Variants in LRRC4C observed in about 807,000 individuals in gnomAD.
LRRC4C encodes the protein leucine rich repeat containing 4C.
LRRC4C carries 5 observed loss-of-function variants against 33.6 expected under a neutral mutation model. The ratio of observed to expected loss-of-function variants is 0.15; its 90% CI spans 0.08 to 0.31. LRRC4C has a LOEUF of 0.31. LRRC4C is among the 10% of genes least tolerant of loss of function. The pLI is 1.00. For missense variants in LRRC4C, 560 were observed against 796.7 expected (o/e 0.70, Z 3.58); for synonymous variants, 329 against 302.0 (o/e 1.09, Z -0.93).
At chr11:40,862,519 G>A (rs1954153669) in intron 2 of LRRC4C, among the ~76,000 whole-genome samples, 1 of 152,166 alleles carries the variant, frequency 6.6e-6, no homozygotes. Context: ...TCTTACTAGT[G>A]TAAATACTAA....
At chr11:41,382,233 C>T (rs1044060909) in intron 1 of LRRC4C, among the ~76,000 whole-genome samples, 1 of 151,858 alleles carries the variant, frequency 6.6e-6, no homozygotes, top group African/African-American at 2.4e-5. Context: ...AGATTTATTA[C>T]CTTAAAGATA....
intron 3 of LRRC4C, among the ~76,000 whole-genome samples, chr11:40,587,881 T>G (rs1432712285): frequency 4.6e-5 from 7 of 152,216 alleles, no homozygotes; most frequent in Non-Finnish European, 8.8e-5. Flanking sequence ...GTTTTGCCAC[T>G]ATTTTATTGA....
At chr11:41,443,089 A>ATTTTTTTTTTTTTTTTTTTTTTCTTCCT in intron 1 of LRRC4C, among the ~76,000 whole-genome samples, 1 of 105,994 alleles carries the variant, frequency 9.4e-6, no homozygotes, top group African/African-American at 3.7e-5. Context: ...TGTTTGCTTC[A>ATTTTTTTTTTTTTTTTTTTTTTCTTCCT]TTTTTTTTTT....
chr11:40,559,842 C>T (rs191911667), intron 3 of LRRC4C, among the ~76,000 whole-genome samples: 100 of 152,122 alleles, frequency 6.6e-4, no homozygotes, highest in Non-Finnish European at 1.2e-3. Context: ...TTTTTTTTCA[C>T]ATGCTTGTTG....
Position 40,689,585 on chromosome 11 carries a change from G to A in LRRC4C, c.-406-41307C>T, listed in dbSNP as rs183202733. ...CTCTAAATTGATTTATCCATTTTCC[G>A]AAAGAGTTGAAGAGGATTCTTCTCA... is the stretch of plus-strand genomic sequence containing the variant. On this transcript the variant is annotated intron_variant, in intron 2 of 6. Coordinates refer to ENST00000528697, the MANE Select transcript of LRRC4C (RefSeq NM_001258419.2). Among the ~76,000 whole-genome samples, 53 of 152,052 alleles carry A rather than the reference G, an allele frequency of 3.5e-4. 1 individual carries two copies. Among genetic ancestry groups the A allele is most frequent in the Middle Eastern group, 3.4e-3 (1 of 294 alleles).
At chr11:40,319,852 T>A (rs1408530026) in intron 3 of LRRC4C, 131 bp from the exon 4 acceptor site, 1 of 152,180 alleles carries the variant, frequency 6.6e-6, no homozygotes, top group Non-Finnish European at 1.5e-5. Context: ...CAGAATGTCT[T>A]TCATACATGT....
intron 1 of LRRC4C, among the ~76,000 whole-genome samples, chr11:40,952,836 C>T (rs1466649653): frequency 4.7e-5 from 7 of 148,670 alleles, no homozygotes; most frequent in African/African-American, 1.7e-4. Flanking sequence ...ACACACACCT[C>T]TGTCTATTTC....
intron 3 of LRRC4C, among the ~76,000 whole-genome samples, chr11:40,568,649 A>C (rs17487816): frequency 6.6e-6 from 1 of 152,088 alleles, no homozygotes; most frequent in Non-Finnish European, 1.5e-5. Context: ...TCTGGACCAC[A>C]CTGAACACCC....
chr11:40,870,774 G>T (rs996796601), intron 2 of LRRC4C, among the ~76,000 whole-genome samples: 1 of 152,130 alleles, frequency 6.6e-6, no homozygotes, highest in African/African-American at 2.4e-5. Context: ...ATTGTTTGTA[G>T]AGCATGTGTG....
At chr11:41,333,903 T>C (rs1270124918) in intron 1 of LRRC4C, among the ~76,000 whole-genome samples, 1 of 152,176 alleles carries the variant, frequency 6.6e-6, no homozygotes, top group Non-Finnish European at 1.5e-5. Flanking sequence ...GTTTAAAAAG[T>C]TCATTATTAT....
chr11:40,836,738 G>C (rs553324298), intron 2 of LRRC4C, among the ~76,000 whole-genome samples: 2 of 152,120 alleles, frequency 1.3e-5, no homozygotes, highest in Non-Finnish European at 2.9e-5. Flanking sequence ...ATCTCTCTGA[G>C]CTTTACCTCC....
chr11:40,999,184 T>C (rs1333661978), intron 1 of LRRC4C, among the ~76,000 whole-genome samples: 1 of 152,096 alleles, frequency 6.6e-6, no homozygotes, highest in Non-Finnish European at 1.5e-5. Context: ...CTCTGGCCAC[T>C]GTTACAGACT....
At chr11:40,189,830 A>T (rs545347308) in intron 5 of LRRC4C, among the ~76,000 whole-genome samples, 1 of 152,360 alleles carries the variant, frequency 6.6e-6, no homozygotes, top group East Asian at 1.9e-4. Flanking sequence ...TTTAAGGATA[A>T]CATTGAGCAA....
At chr11:41,418,721 G>A (rs1477217407) in intron 1 of LRRC4C, among the ~76,000 whole-genome samples, 1 of 151,956 alleles carries the variant, frequency 6.6e-6, no homozygotes, top group African/African-American at 2.4e-5. Flanking sequence ...CATGCTTAGC[G>A]GGGGTCCAGC....
intron 2 of LRRC4C, among the ~76,000 whole-genome samples, chr11:40,811,479 T>C (rs972596181): frequency 6.6e-6 from 1 of 152,104 alleles, no homozygotes; most frequent in African/African-American, 2.4e-5. Context: ...ATAAATATAT[T>C]TGAATTAATA....
chr11:41,066,673 G>A (rs904495026), intron 1 of LRRC4C, among the ~76,000 whole-genome samples: 2 of 152,138 alleles, frequency 1.3e-5, no homozygotes, highest in Admixed American at 6.6e-5. Context: ...AGAAGGGCCA[G>A]GTCACCGACA....
chr11:41,167,194 A>G (rs1364953678), intron 1 of LRRC4C, among the ~76,000 whole-genome samples: 8 of 152,186 alleles, frequency 5.3e-5, no homozygotes, highest in African/African-American at 1.7e-4. Flanking sequence ...CCCAACACTT[A>G]CTAGATCTTT....
Position 41,181,044 on chromosome 11 carries a change from G to T in LRRC4C, c.-495-247321C>A, listed in dbSNP as rs528643064. On this transcript the variant is annotated intron_variant, in intron 1 of 6. Coordinates refer to ENST00000528697, the MANE Select transcript of LRRC4C (RefSeq NM_001258419.2). ...AAAAAAGAAAAGTTTTAAGAATGTTGGTAATTAATAAACTAGGAAATATTA... is the reference window on the plus strand; with the variant it reads ...AAAAAAGAAAAGTTTTAAGAATGTTTGTAATTAATAAACTAGGAAATATTA... Among the ~76,000 whole-genome samples, 51 of 152,100 alleles carry T rather than the reference G, an allele frequency of 3.4e-4. 1 individual carries two copies. In the Middle Eastern group the frequency reaches 0.01, roughly 30 times the overall value.
Position 41,432,606 on chromosome 11 carries a change from T to C in LRRC4C, c.-496+26825A>G, listed in dbSNP as rs556938350. Reference sequence around the variant, plus strand: ...CAAAGTGGAGAAAATAGTAGAAAAATAAAGAAAAATTAAGGAAAGATGTAG... The same window carrying C: ...CAAAGTGGAGAAAATAGTAGAAAAACAAAGAAAAATTAAGGAAAGATGTAG... On this transcript the variant is annotated intron_variant, in intron 1 of 6. Coordinates refer to ENST00000528697, the MANE Select transcript of LRRC4C (RefSeq NM_001258419.2). Among the ~76,000 whole-genome samples, 211 of 151,714 alleles carry C rather than the reference T, an allele frequency of 1.4e-3. 2 individuals carry two copies. The highest frequency in any genetic ancestry group is 1.9e-3 in the Non-Finnish European group (130 of 67,882).
Sources: gnomAD v4.1 joint callset for allele counts (sites outside exome capture counted in the v4.1 genomes callset) on GRCh38, gnomAD v4.1.1 for gene constraint, MANE v1.5 for transcripts, NCBI Gene and HGNC (gene_info 2026-07-23, HGNC 2026-07-21) for gene names.